Variants in EZH1 observed in about 807,000 individuals in gnomAD.
The protein encoded by EZH1 is enhancer of zeste 1 polycomb repressive complex 2 subunit.
In EZH1, 33 loss-of-function variants were observed where a neutral mutation model predicts 100.5. The ratio of observed to expected loss-of-function variants is 0.33; its 90% CI spans 0.25 to 0.44. The LOEUF (loss-of-function observed/expected upper bound fraction) is 0.44, where lower values mean the gene tolerates loss of function less well. Among genes scored for constraint, EZH1 ranks in the 20% least tolerant of loss-of-function variants. The pLI is 1.00. For missense variants in EZH1, 475 were observed against 928.4 expected (o/e 0.51, Z 6.35); for synonymous variants, 272 against 313.8 (o/e 0.87, Z 1.41).
intron 20 of EZH1, 58 bp downstream of exon 20, chr17:42,702,819 A>C (rs928104012): frequency 3.2e-6 from 5 of 1,577,140 alleles, no homozygotes; most frequent in Admixed American, 3.3e-5. Flanking sequence ...AATCTATTCC[A>C]ACAGCCACTC....
rs768296055 is a variant in EZH1 at position 42,718,483 on chromosome 17, C to T, written c.902G>A (p.Arg301His). ...LHSFHTLFCR[R>H]CFKYDCFLHP... ...AAGGAAGCAGTCGTATTTAAAGCAG[C>T]GCCGGCAAAAAAGTGTGTGGAAGGA... The change falls in exon 9 of 21, where the codon CGC (arginine) becomes CAC (histidine). Residue 301 changes from arginine (R) to histidine (H), a missense_variant. By Grantham distance (29) the Arg-to-His change is conservative. Transcript: ENST00000428826. The surrounding 1 kb of genome is among the most constrained non-coding windows in gnomAD (Gnocchi z 4.2). The T allele has an allele frequency of 4.3e-6, 7 of 1,613,972 alleles. No individual in the cohort carries two copies. The highest frequency in any genetic ancestry group is 5.9e-6 in the Non-Finnish European group (7 of 1,180,024).
intron 6 of EZH1, among the ~76,000 whole-genome samples, chr17:42,721,538 A>G (rs1310259236): frequency 6.6e-6 from 1 of 152,148 alleles, no homozygotes; most frequent in East Asian, 1.9e-4. Context: ...GATTAAACTT[A>G]TTTGTACAAT....
chr17:42,709,697 C>A, intron 13 of EZH1, 149 bp downstream of exon 13: 2 of 651,728 alleles, frequency 3.1e-6, no homozygotes, highest in East Asian at 5.5e-5. Context: ...ACTCAGGAGG[C>A]TGGCTCTCAG....
intron 12 of EZH1, among the ~76,000 whole-genome samples, chr17:42,711,743 G>A (rs1542923): frequency 0.66 from 99,735 of 150,888 alleles, 34,357 homozygotes; most frequent in African/African-American, 0.88. Context: ...CCCAGGAGGC[G>A]GAGGTTGCAG....
chr17:42,722,996 CTT>C, intron 5 of EZH1, 81 bp from the exon 6 acceptor site: 1 of 1,504,502 alleles, frequency 6.6e-7, no homozygotes, highest in Non-Finnish European at 8.9e-7. Flanking sequence ...CTTTGCTGAG[CTT>C]TGTTTGTTGC....
intron 1 of EZH1, among the ~76,000 whole-genome samples, chr17:42,731,273 A>G (rs2053943162): frequency 6.6e-6 from 1 of 151,912 alleles, no homozygotes. Flanking sequence ...GCGCACCACC[A>G]TAGCCGGCCA....
rs577187269 is a variant in EZH1 at position 42,722,080 on chromosome 17, C to A, written c.487+715G>T. 1.1e-4 allele frequency among the ~76,000 whole-genome samples: 16 copies of A among 139,686 alleles called. No individual in the cohort carries two copies. In the South Asian group the frequency reaches 4.0e-3, roughly 35 times the overall value. 91.6% of individuals were successfully genotyped at this position (139,686 alleles called of 152,430 possible). Reference sequence around the variant, plus strand: ...AGGAGAATGGCATGAACCCGGGAGGCGGAGCTTACAGTGAGCCGAGATTGT... The same window carrying A: ...AGGAGAATGGCATGAACCCGGGAGGAGGAGCTTACAGTGAGCCGAGATTGT... On this transcript the variant is annotated intron_variant, in intron 6 of 20. Coordinates refer to ENST00000428826, the MANE Select transcript of EZH1 (RefSeq NM_001991.5).
intron 1 of EZH1, among the ~76,000 whole-genome samples, chr17:42,733,836 G>A (rs2054007416): frequency 6.7e-6 from 1 of 150,128 alleles, no homozygotes; most frequent in African/African-American, 2.4e-5. Context: ...AGTTACTTGG[G>A]AGGCTGAGGC....
At chr17:42,721,889 C>T (rs1203308379) in intron 6 of EZH1, among the ~76,000 whole-genome samples, 1 of 151,814 alleles carries the variant, frequency 6.6e-6, no homozygotes, top group Non-Finnish European at 1.5e-5. Context: ...CGGTGGCTCA[C>T]GCCTGTAATC....
At chr17:42,707,679 C>T (rs1408271965) in intron 15 of EZH1, among the ~76,000 whole-genome samples, 1 of 152,184 alleles carries the variant, frequency 6.6e-6, no homozygotes, top group Non-Finnish European at 1.5e-5. Flanking sequence ...AGTGACTGCG[C>T]CTGCTGCCCC....
At chr17:42,708,792 A>C in intron 14 of EZH1, 84 bp downstream of exon 14, 2 of 1,432,530 alleles carry the variant, frequency 1.4e-6, no homozygotes, top group Non-Finnish European at 2.0e-6. Flanking sequence ...AGGGTCAACA[A>C]GTGCAGCTGG....
At chr17:42,709,563 G>A (rs1175099909) in intron 13 of EZH1, 2 of 317,678 alleles carry the variant, frequency 6.3e-6, no homozygotes, top group East Asian at 5.4e-5. Context: ...TGGCTTCAGG[G>A]TGGAGCCATG....
At chr17:42,715,045 A>G (rs1035349337) in intron 10 of EZH1, among the ~76,000 whole-genome samples, 1 of 139,806 alleles carries the variant, frequency 7.2e-6, no homozygotes, top group African/African-American at 2.6e-5. Flanking sequence ...TAATTTATAT[A>G]TTATATATGT....
chr17:42,720,197 A>C (rs1390712631), intron 7 of EZH1, 76 bp downstream of exon 7: 2 of 1,502,170 alleles, frequency 1.3e-6, no homozygotes, highest in Admixed American at 4.4e-5. Context: ...TTAATAGGCA[A>C]CAAATCTTTC....
chr17:42,724,561 G>A lies in EZH1; in HGVS notation c.247-137C>T, dbSNP rs977153007. ...GCACTTTGGGAGGCCAAGACAGGCAGATCACTTGAAGTCAGTTGGAGACCA... is the reference window on the plus strand; with the variant it reads ...GCACTTTGGGAGGCCAAGACAGGCAAATCACTTGAAGTCAGTTGGAGACCA... On this transcript the variant is annotated intron_variant, in intron 4 of 20. Coordinates refer to ENST00000428826, the MANE Select transcript of EZH1 (RefSeq NM_001991.5). 11 of 972,272 alleles carry A rather than the reference G, an allele frequency of 1.1e-5. No homozygotes were observed. In the Admixed American group the frequency reaches 2.2e-4, roughly 19 times the overall value. The allele number at this position is 972,272 out of a possible 1,614,324, so 60.2% of individuals were successfully genotyped here. A position where few individuals can be genotyped will look rare whatever the true frequency, so the allele number is the denominator to read the frequency against.
intron 13 of EZH1, chr17:42,709,271 A>G: frequency 3.9e-6 from 1 of 254,462 alleles, no homozygotes; most frequent in Non-Finnish European, 7.6e-6. Flanking sequence ...GGGGAGTTTC[A>G]AGATGGGGAG....
At chr17:42,732,910 C>T (rs1035449989) in intron 1 of EZH1, among the ~76,000 whole-genome samples, 1 of 151,922 alleles carries the variant, frequency 6.6e-6, no homozygotes. Context: ...TGAGATTGCA[C>T]CACTGCGCTC....
rs2053443119 is a variant in EZH1, at chr17:42,709,946, G to T, written c.1402-9C>A. The stretch of plus-strand genomic sequence containing the variant: ...ACTGCAAACTGAAAGACCTGGAAGA[G>T]AAATCCAACGGGCCTGTCACTCCTC... On this transcript the variant is annotated splice_polypyrimidine_tract_variant and intron_variant, in intron 12 of 20. Transcript: ENST00000428826. The T allele has an allele frequency of 2.5e-6, 4 of 1,613,764 alleles. No homozygotes were observed. The highest frequency in any genetic ancestry group is 3.4e-6 in the Non-Finnish European group (4 of 1,179,740).
intron 20 of EZH1, 134 bp downstream of exon 20, chr17:42,702,743 A>G (rs1017595156): frequency 7.9e-7 from 1 of 1,270,996 alleles, no homozygotes; most frequent in African/African-American, 1.5e-5. Context: ...ATATCAGAAC[A>G]AGGGACACAG....
Sources: allele counts gnomAD v4.1 joint callset (sites outside exome capture counted in the v4.1 genomes callset), GRCh38; gene constraint gnomAD v4.1.1; non-coding constraint Gnocchi (gnomAD v3.1); transcripts MANE v1.5; gene names NCBI Gene and HGNC (gene_info 2026-07-23, HGNC 2026-07-21).